Variants in RBFOX1 observed in about 807,000 individuals in gnomAD.
The protein encoded by RBFOX1 is RNA binding protein fox-1 homolog 1.
RBFOX1 carries 8 observed loss-of-function variants against 57.7 expected under a neutral mutation model. The observed-to-expected ratio is 0.14, with a 90% confidence interval of 0.08 to 0.25. The LOEUF is 0.25. Among genes scored for constraint, RBFOX1 ranks in the 10% least tolerant of loss-of-function variants. The pLI is 1.00. For missense variants in RBFOX1, 611 were observed against 548.5 expected (o/e 1.11, Z -1.14); for synonymous variants, 326 against 222.4 (o/e 1.47, Z -4.15).
At chr16:6,884,939 G>A (rs6500863) in intron 3 of RBFOX1, among the ~76,000 whole-genome samples, 119,057 of 152,146 alleles carry the variant, frequency 0.78, 47,374 homozygotes, top group African/African-American at 0.92. Flanking sequence ...AATATTAAGT[G>A]TTAAATCGTA....
Position 5,460,257 on chromosome 16 carries a change from C to T in RBFOX1, c.220-6959C>T, listed in dbSNP as rs114440395. ...AATCCCAGCCCACTGACTTTTGCAA[C>T]CCTCAGACCTTTACTTCTCTGTTTT... On this transcript the variant is annotated intron_variant, in intron 1 of 2. Transcript: ENST00000585867. Among the ~76,000 whole-genome samples, 513 of 152,292 alleles carry T rather than the reference C, an allele frequency of 3.4e-3. 5 individuals carry two copies. The highest frequency in any genetic ancestry group is 0.012 in the African/African-American group (492 of 41,560).
intron 4 of RBFOX1, among the ~76,000 whole-genome samples, chr16:5,888,941 A>G (rs752118328): frequency 1.3e-5 from 2 of 152,282 alleles, no homozygotes; most frequent in East Asian, 1.9e-4. Context: ...TACTGGGAAG[A>G]TCTCTTCATC....
intron 1 of RBFOX1, among the ~76,000 whole-genome samples, chr16:6,315,806 G>A (rs1355688052): frequency 6.6e-6 from 1 of 152,094 alleles, no homozygotes; most frequent in African/African-American, 2.4e-5. Flanking sequence ...ATATTTTGAA[G>A]TCACTTGATG....
At chr16:5,474,684 G>A (rs2069260505) in intron 2 of RBFOX1, among the ~76,000 whole-genome samples, 2 of 151,676 alleles carry the variant, frequency 1.3e-5, no homozygotes, top group African/African-American at 4.8e-5. Context: ...CCGGACATTT[G>A]TAAAGGTGTT....
intron 2 of RBFOX1, among the ~76,000 whole-genome samples, chr16:6,459,984 CAAAAAAAAAAAAAAAAAAAAAAAAAAAAA>C (rs149424076): frequency 4.2e-5 from 2 of 47,672 alleles, no homozygotes; most frequent in African/African-American, 1.3e-4. Context: ...AACTCCATCT[CAAAAAAAAAAAAAAAAAAAAAAAAAAAAA>C]AAAAAAAAAA....
At chr16:7,460,157 T>C (rs192673387) in intron 4 of RBFOX1, among the ~76,000 whole-genome samples, 1 of 151,898 alleles carries the variant, frequency 6.6e-6, no homozygotes, top group South Asian at 2.1e-4. Context: ...TGTATTTGCT[T>C]ATCCTCTTAG....
intron 3 of RBFOX1, among the ~76,000 whole-genome samples, chr16:5,675,446 T>C (rs1227548019): frequency 6.6e-6 from 1 of 152,052 alleles, no homozygotes; most frequent in Non-Finnish European, 1.5e-5. Flanking sequence ...ATGTGAACAA[T>C]AGAGAACTCA....
At chr16:6,508,949 G>T (rs1259549791) in intron 2 of RBFOX1, among the ~76,000 whole-genome samples, 2 of 152,016 alleles carry the variant, frequency 1.3e-5, no homozygotes, top group Non-Finnish European at 2.9e-5. Flanking sequence ...TTGAGACCTG[G>T]TTTCTCAGTA....
intron 3 of RBFOX1, among the ~76,000 whole-genome samples, chr16:6,855,319 AG>A (rs1402300444): frequency 2.0e-5 from 3 of 152,066 alleles, no homozygotes; most frequent in Non-Finnish European, 4.4e-5. Context: ...AGAAAAAGCA[AG>A]CAAAATTTTC....
At chr16:5,712,759 T>C (rs1267419364) in intron 3 of RBFOX1, among the ~76,000 whole-genome samples, 1 of 152,236 alleles carries the variant, frequency 6.6e-6, no homozygotes, top group Non-Finnish European at 1.5e-5. Flanking sequence ...AGTGGTTAGA[T>C]GATCTGAAGA....
chr16:5,450,482 C>A (rs60182577), intron 1 of RBFOX1, among the ~76,000 whole-genome samples: 59,001 of 151,962 alleles, frequency 0.39, 12,612 homozygotes, highest in Non-Finnish European at 0.47. Context: ...GCGGTACAAC[C>A]AGGGGAGCTG....
At chr16:5,554,050 A>T (rs546022697) in intron 2 of RBFOX1, among the ~76,000 whole-genome samples, 1 of 151,146 alleles carries the variant, frequency 6.6e-6, no homozygotes, top group African/African-American at 2.4e-5. Context: ...GCTCACTGCA[A>T]CCTCTGCCTC....
chr16:7,132,629 C>G (rs943892388), intron 4 of RBFOX1, among the ~76,000 whole-genome samples: 3 of 151,050 alleles, frequency 2.0e-5, no homozygotes, highest in East Asian at 1.9e-4. Context: ...CACACACACA[C>G]AATGGAATAG....
intron 3 of RBFOX1, among the ~76,000 whole-genome samples, chr16:6,991,724 G>T (rs1488502235): frequency 6.6e-6 from 1 of 152,022 alleles, no homozygotes; most frequent in Non-Finnish European, 1.5e-5. Context: ...TTTGGTAGAG[G>T]TGGGGTTTCA....
chr16:7,413,592 C>A (rs1438418919), intron 4 of RBFOX1, among the ~76,000 whole-genome samples: 1 of 152,068 alleles, frequency 6.6e-6, no homozygotes, highest in East Asian at 1.9e-4. Flanking sequence ...CTGCCACCCC[C>A]CTGCCCCCTG....
intron 3 of RBFOX1, among the ~76,000 whole-genome samples, chr16:6,823,172 A>G (rs565914320): frequency 6.6e-5 from 10 of 152,124 alleles, no homozygotes; most frequent in Admixed American, 1.3e-4. Flanking sequence ...CAAAGTGATT[A>G]GGGAGCCTGT....
At chr16:7,104,408 G>C (rs993302215) in intron 4 of RBFOX1, among the ~76,000 whole-genome samples, 2 of 152,056 alleles carry the variant, frequency 1.3e-5, no homozygotes, top group African/African-American at 4.8e-5. Context: ...ATGCCCCTCT[G>C]ATTAAAACAG....
At chr16:7,664,832 C>A (rs146282842) in intron 12 of RBFOX1, 97 bp from the exon 13 acceptor site, 19 of 1,605,856 alleles carry the variant, frequency 1.2e-5, no homozygotes, top group Admixed American at 3.3e-5. Flanking sequence ...TGTTTTGGAT[C>A]TTGTGACCAG....
At chr16:7,212,242 C>A (rs1396973637) in intron 4 of RBFOX1, among the ~76,000 whole-genome samples, 1 of 152,178 alleles carries the variant, frequency 6.6e-6, no homozygotes, top group Non-Finnish European at 1.5e-5. Context: ...GAGGGAAGCA[C>A]AAGCTACTAA....
Sources: gnomAD v4.1 joint callset for allele counts (sites outside exome capture counted in the v4.1 genomes callset) on GRCh38, gnomAD v4.1.1 for gene constraint, MANE v1.5 for transcripts, NCBI Gene and HGNC (gene_info 2026-07-23, HGNC 2026-07-21) for gene names.